BTRC: variants seen among roughly 807,000 people sequenced by gnomAD.
The protein encoded by BTRC is beta-transducin repeat containing E3 ubiquitin protein ligase.
In BTRC, 42 loss-of-function variants were observed where a neutral mutation model predicts 85.5. That is an observed-to-expected ratio of 0.49 (90% CI 0.38 to 0.64). BTRC has a LOEUF of 0.64. Ranked by LOEUF, BTRC falls within the 30% of genes least tolerant of loss-of-function variation. The pLI is 0.00. For synonymous variants in BTRC, 255 were observed against 263.3 expected (o/e 0.97, Z 0.30); for missense variants, 594 against 743.5 (o/e 0.80, Z 2.34).
chr10:101,396,804 A>G (rs1374161256), intron 1 of BTRC, among the ~76,000 whole-genome samples: 5 of 139,728 alleles, frequency 3.6e-5, no homozygotes, highest in Non-Finnish European at 6.3e-5. Flanking sequence ...TCTCCAAAAG[A>G]TTTTTTTTTT....
At chr10:101,500,524 A>G (rs968898585) in intron 4 of BTRC, among the ~76,000 whole-genome samples, 3 of 152,170 alleles carry the variant, frequency 2.0e-5, no homozygotes, top group African/African-American at 7.2e-5. Context: ...AGATTCATGT[A>G]TAGACAGTTT....
intron 1 of BTRC, among the ~76,000 whole-genome samples, chr10:101,399,781 T>C (rs1314385774): frequency 2.0e-5 from 3 of 152,210 alleles, no homozygotes; most frequent in Non-Finnish European, 4.4e-5. Context: ...CCAGTTTACA[T>C]CTTGGCTTAT....
At chr10:101,489,553 G>T (rs1946076292) in intron 4 of BTRC, among the ~76,000 whole-genome samples, 1 of 152,110 alleles carries the variant, frequency 6.6e-6, no homozygotes, top group South Asian at 2.1e-4. Context: ...TACAAAGCTT[G>T]TGAAACCTGA....
At chr10:101,407,821 C>T (rs1297766341) in intron 1 of BTRC, among the ~76,000 whole-genome samples, 1 of 151,058 alleles carries the variant, frequency 6.6e-6, no homozygotes, top group Non-Finnish European at 1.5e-5. Context: ...CTCCCAGGTT[C>T]AAGCAATTTT....
At chr10:101,427,113 C>CTTTTTTTT (rs138285266) in intron 1 of BTRC, among the ~76,000 whole-genome samples, 7 of 109,362 alleles carry the variant, frequency 6.4e-5, no homozygotes, top group African/African-American at 2.1e-4. Context: ...TTTTTTCTTT[C>CTTTTTTTT]TTTTTTTTTT....
chr10:101,493,367 A>G lies in BTRC; in HGVS notation c.324+13910A>G, dbSNP rs190848947. Among the ~76,000 whole-genome samples, 11 of 152,368 alleles carry G rather than the reference A, an allele frequency of 7.2e-5. No homozygotes were observed. The East Asian group carries it at 1.7e-3, about 24-fold the overall frequency. On this transcript the variant is annotated intron_variant, in intron 4 of 14. Coordinates refer to ENST00000370187, the MANE Select transcript of BTRC (RefSeq NM_033637.4). ...ATACATTTTCACTGAAATCATCACAATAGTCTCATTGTGTTTACACACAAA... is the reference window on the plus strand; with the variant it reads ...ATACATTTTCACTGAAATCATCACAGTAGTCTCATTGTGTTTACACACAAA...
rs41303831 is a variant in BTRC, at chr10:101,486,055, C to T, written c.324+6598C>T. Among the ~76,000 whole-genome samples, 3 of 152,258 alleles carry T rather than the reference C, an allele frequency of 2.0e-5. No individual in the cohort carries two copies. The East Asian group carries it at 5.8e-4, about 29-fold the overall frequency. ...GCATTGTTAGGGCCAAGGAACAAGG[C>T]TGTGCCTTTTCAGCAGACAGCTGGC... On this transcript the variant is annotated intron_variant, in intron 4 of 14. Coordinates refer to ENST00000370187, the MANE Select transcript of BTRC (RefSeq NM_033637.4).
intron 12 of BTRC, among the ~76,000 whole-genome samples, chr10:101,537,522 C>T (rs887090769): frequency 1.3e-5 from 2 of 151,912 alleles, no homozygotes; most frequent in African/African-American, 2.4e-5. Flanking sequence ...AGCGAGACTC[C>T]GTCTCAAAAA....
intron 1 of BTRC, among the ~76,000 whole-genome samples, chr10:101,386,773 T>G (rs1377539456): frequency 6.6e-6 from 1 of 152,196 alleles, no homozygotes; most frequent in African/African-American, 2.4e-5. Context: ...TTAGCTTGTG[T>G]TTCTTCTACT....
rs1471017781 is a variant in BTRC at position 101,389,115 on chromosome 10, G to GTTTTTTTTTTTTTTTTTTTTTT, written c.48+34888_48+34889insTTTTTTTTTTTTTTTTTTTTTT. Among the ~76,000 whole-genome samples, 9 of 35,460 alleles carry GTTTTTTTTTTTTTTTTTTTTTT rather than the reference G, an allele frequency of 2.5e-4. 2 individuals are homozygous for GTTTTTTTTTTTTTTTTTTTTTT. Among genetic ancestry groups the GTTTTTTTTTTTTTTTTTTTTTT allele is most frequent in the Non-Finnish European group, 3.0e-4 (6 of 20,256 alleles). 23.3% of individuals were successfully genotyped at this position (35,460 alleles called of 152,430 possible). On this transcript the variant is annotated intron_variant, in intron 1 of 14. Transcript: ENST00000370187. ...ATGTTGCATAATTGTGATTTTTTGT[G>GTTTTTTTTTTTTTTTTTTTTTT]TGTGTTTTTTTTTTTTTTTTTTTTT...
rs5787436 is a variant in BTRC at position 101,527,761 on chromosome 10, GTC to G, written c.743+1591_743+1592del. ...AGAGCAAGACCCTGTCTCTTTCTCT[GTC>G]TCTCTCTCTCTCTCTCTCTCTCTCT... On this transcript the variant is annotated intron_variant, in intron 6 of 14. Transcript: ENST00000370187. 5.5e-3 allele frequency among the ~76,000 whole-genome samples: 786 copies of G among 142,264 alleles called. 6 individuals carry two copies. The highest frequency in any genetic ancestry group is 0.015 in the South Asian group (66 of 4,312). 93.3% of individuals were successfully genotyped at this position (142,264 alleles called of 152,430 possible).
At chr10:101,520,615 A>G (rs370491574) in intron 4 of BTRC, among the ~76,000 whole-genome samples, 2 of 152,320 alleles carry the variant, frequency 1.3e-5, no homozygotes, top group South Asian at 4.1e-4. Context: ...AGAGTCTCAG[A>G]ATATTCATTG....
At chr10:101,437,929 G>A (rs1461136491) in intron 2 of BTRC, among the ~76,000 whole-genome samples, 1 of 152,196 alleles carries the variant, frequency 6.6e-6, no homozygotes, top group African/African-American at 2.4e-5. Flanking sequence ...CTCAAGCTGA[G>A]CTAGAATTAA....
At chr10:101,436,625 A>AACAG (rs1554877657) in intron 2 of BTRC, among the ~76,000 whole-genome samples, 1 of 146,972 alleles carries the variant, frequency 6.8e-6, no homozygotes, top group African/African-American at 2.6e-5. Context: ...AATTAAAAAA[A>AACAG]ATAGATAGAT....
intron 2 of BTRC, among the ~76,000 whole-genome samples, chr10:101,442,288 C>CTGTGTGTGTGTG (rs1240113814): frequency 1.9e-4 from 19 of 99,348 alleles, no homozygotes; most frequent in East Asian, 4.5e-4. Flanking sequence ...CTCTCTGTCT[C>CTGTGTGTGTGTG]TGTGTGTATG....
rs146435684 is a variant in BTRC, at chr10:101,531,321, A to G, written c.828A>G (p.Ile276Met). ...ATAGAGCACTTTATCCTAAAATTAT[A>G]CAAGACATTGAGGTAAGAATCTATG... ...SFYRALYPKI[I>M]QDIETIESNW... is the part of the protein sequence containing the mutation. The change falls in exon 7 of 15, where the codon ATA (isoleucine) becomes ATG (methionine). Residue 276 changes from isoleucine to methionine, a missense_variant. By Grantham distance (10) the Ile-to-Met change is conservative. Coordinates refer to ENST00000370187, the MANE Select transcript of BTRC (RefSeq NM_033637.4). 6.3e-7 allele frequency: 1 copy of G among 1,598,578 alleles called. No homozygotes were observed. Among genetic ancestry groups the G allele is most frequent in the African/African-American group, 1.3e-5 (1 of 74,586 alleles).
chr10:101,474,201 G>T (rs985948415), intron 3 of BTRC, among the ~76,000 whole-genome samples: 1 of 151,944 alleles, frequency 6.6e-6, no homozygotes, highest in African/African-American at 2.4e-5. Context: ...ATTATAAATG[G>T]TACATTGCAG....
At position 101,354,236 on chromosome 10, in the gene BTRC, GACGGTGGAGGCCGGGGA is replaced by G. The variant is rs1564722010; in HGVS notation, c.48+20_48+36del. On this transcript the variant is annotated intron_variant, in intron 1 of 14. Transcript: ENST00000370187. ...AAGGCACTCAAGTTTATGGTGAGGA[GACGGTGGAGGCCGGGGA>G]ACGGTGGAGGCGCTGGCGTTGGCGG... 1.9e-6 allele frequency: 3 copies of G among 1,548,788 alleles called. No individual in the cohort carries two copies. Among genetic ancestry groups the G allele is most frequent in the South Asian group, 2.4e-5 (2 of 83,962 alleles).
At chr10:101,453,564 A>G (rs1589487747) in intron 2 of BTRC, 1 of 152,232 alleles carries the variant, frequency 6.6e-6, no homozygotes, top group African/African-American at 2.4e-5. Context: ...ATTGTAAGTC[A>G]TTATGAGTGG....
Sources: allele counts gnomAD v4.1 joint callset (sites outside exome capture counted in the v4.1 genomes callset), GRCh38; gene constraint gnomAD v4.1.1; transcripts MANE v1.5; gene names NCBI Gene and HGNC (gene_info 2026-07-23, HGNC 2026-07-21).